SPATA17: variants seen among roughly 807,000 people sequenced by gnomAD.
SPATA17 encodes the protein spermatogenesis associated 17.
Under a neutral mutation model 62.2 loss-of-function variants are expected in SPATA17, and 53 were observed. The observed-to-expected ratio is 0.85, with a 90% confidence interval of 0.68 to 1.07. The LOEUF (loss-of-function observed/expected upper bound fraction) is 1.07, where lower values mean the gene tolerates loss of function less well. Among genes scored for constraint, SPATA17 ranks in the 50% least tolerant of loss-of-function variants. The probability of loss-of-function intolerance (pLI) is 0.00; values close to 1 mark genes in which losing one functional copy is unlikely to be tolerated. For synonymous variants in SPATA17, 146 were observed against 146.8 expected, an observed-to-expected ratio of 0.99 and a Z score of 0.04; for missense variants, 466 against 425.5, an observed-to-expected ratio of 1.10 and a Z score of -0.84.
At chr1:217,732,720 A>G (rs1055327645) in intron 5 of SPATA17, among the ~76,000 whole-genome samples, 2 of 152,204 alleles carry the variant, frequency 1.3e-5, no homozygotes, top group African/African-American at 4.8e-5. Context: ...TGTTAATAAT[A>G]TCTGCCCCCT....
chr1:217,847,040 T>C (rs1675545612), intron 9 of SPATA17, among the ~76,000 whole-genome samples: 1 of 152,010 alleles, frequency 6.6e-6, no homozygotes, highest in Non-Finnish European at 1.5e-5. Context: ...CACAGTTGAA[T>C]TTCACTTTAT....
At chr1:217,720,975 A>T (rs796351569) in intron 5 of SPATA17, among the ~76,000 whole-genome samples, 2 of 152,320 alleles carry the variant, frequency 1.3e-5, no homozygotes, top group African/African-American at 4.8e-5. Context: ...AACTAGAAAG[A>T]CATATATATC....
intron 5 of SPATA17, among the ~76,000 whole-genome samples, chr1:217,705,858 G>C (rs1391333315): frequency 6.6e-6 from 1 of 152,116 alleles, no homozygotes; most frequent in Non-Finnish European, 1.5e-5. Flanking sequence ...TATAGTTTTA[G>C]GTTTTACATT....
At chr1:217,674,735 C>A (rs1184083637) in intron 4 of SPATA17, among the ~76,000 whole-genome samples, 1 of 152,196 alleles carries the variant, frequency 6.6e-6, no homozygotes, top group African/African-American at 2.4e-5. Context: ...ACAGCTGGTT[C>A]GGTCCCTTGC....
intron 1 of SPATA17, among the ~76,000 whole-genome samples, chr1:217,646,150 C>G (rs1443329814): frequency 6.6e-6 from 1 of 152,080 alleles, no homozygotes; most frequent in Non-Finnish European, 1.5e-5. Flanking sequence ...AACTATTAAT[C>G]TCCTCATTTC....
intron 10 of SPATA17, among the ~76,000 whole-genome samples, chr1:217,863,964 G>A (rs990884725): frequency 1.6e-4 from 25 of 152,122 alleles, no homozygotes; most frequent in Non-Finnish European, 3.2e-4. Context: ...AAGTTCCTTC[G>A]ATTTTATGTT....
At chr1:217,633,446 CCAAA>C (rs1013900938) in intron 1 of SPATA17, among the ~76,000 whole-genome samples, 4 of 151,532 alleles carry the variant, frequency 2.6e-5, no homozygotes, top group South Asian at 4.2e-4. Context: ...TGATGAAGTG[CCAAA>C]CAAACAATTA....
chr1:217,733,000 A>G (rs1037957361), intron 5 of SPATA17, among the ~76,000 whole-genome samples: 2 of 152,168 alleles, frequency 1.3e-5, no homozygotes, highest in African/African-American at 2.4e-5. Flanking sequence ...AGTTGATTCA[A>G]AAATGCCAGA....
intron 5 of SPATA17, among the ~76,000 whole-genome samples, chr1:217,690,938 C>T (rs1189507916): frequency 3.4e-5 from 5 of 146,112 alleles, no homozygotes; most frequent in Admixed American, 6.7e-5. Flanking sequence ...TGAATAATGC[C>T]GCAATAAACG....
intron 8 of SPATA17, among the ~76,000 whole-genome samples, chr1:217,784,260 G>A (rs11117934): frequency 0.24 from 36,968 of 151,778 alleles, 4,883 homozygotes; most frequent in East Asian, 0.52. Flanking sequence ...TTAATGCAGA[G>A]GGTCCTTTTA....
In SPATA17 at chr1:217,756,486, G is replaced by A. The variant is rs764655956; in HGVS notation, c.519+14388G>A. 9.2e-5 allele frequency among the ~76,000 whole-genome samples: 14 copies of A among 152,222 alleles called. No individual in the cohort carries two copies. The South Asian group carries it at 1.5e-3, about 16-fold the overall frequency. On this transcript the variant is annotated intron_variant, in intron 6 of 10. Transcript: ENST00000366933. Reference sequence around the variant, plus strand: ...GGCTGTCTTCAAAACCACGCTTCCCGTTTATGGATGGTTTCAAGGGAGCTG... The same window carrying A: ...GGCTGTCTTCAAAACCACGCTTCCCATTTATGGATGGTTTCAAGGGAGCTG...
chr1:217,747,644 A>G (rs1243617246), intron 6 of SPATA17, among the ~76,000 whole-genome samples: 1 of 152,206 alleles, frequency 6.6e-6, no homozygotes, highest in Admixed American at 6.5e-5. Context: ...CATATAACTC[A>G]GTATAACTAT....
intron 9 of SPATA17, among the ~76,000 whole-genome samples, chr1:217,819,208 T>C (rs1281040639): frequency 6.6e-6 from 1 of 151,888 alleles, no homozygotes; most frequent in Non-Finnish European, 1.5e-5. Context: ...GACTTTTTAA[T>C]GAGGTTCTAT....
intron 1 of SPATA17, among the ~76,000 whole-genome samples, chr1:217,631,789 A>G (rs190135699): frequency 3.7e-4 from 57 of 152,294 alleles, no homozygotes; most frequent in Admixed American, 2.6e-4. Context: ...CACTAGCCCA[A>G]TGAACTCAGA....
chr1:217,807,396 T>C (rs1171056008), intron 9 of SPATA17, among the ~76,000 whole-genome samples: 2 of 152,044 alleles, frequency 1.3e-5, no homozygotes, highest in African/African-American at 2.4e-5. Context: ...CCTGTATATG[T>C]ACACCCTGAA....
At chr1:217,683,508 G>A (rs566802186) in intron 5 of SPATA17, 147 bp downstream of exon 5, 7 of 550,584 alleles carry the variant, frequency 1.3e-5, no homozygotes, top group African/African-American at 6.0e-5. Flanking sequence ...GCGCAATCTC[G>A]GCTCACTGCA....
At chr1:217,794,601 A>T (rs1311778121) in intron 8 of SPATA17, among the ~76,000 whole-genome samples, 1 of 152,218 alleles carries the variant, frequency 6.6e-6, no homozygotes, top group African/African-American at 2.4e-5. Flanking sequence ...CAATTAAATT[A>T]TTTAAAACTC....
At chr1:217,813,374 G>C (rs186879147) in intron 9 of SPATA17, among the ~76,000 whole-genome samples, 1 of 152,338 alleles carries the variant, frequency 6.6e-6, no homozygotes, top group East Asian at 1.9e-4. Context: ...CTGTACAGCA[G>C]AGAAACATGC....
chr1:217,781,572 T>A (rs1558048418), intron 7 of SPATA17, among the ~76,000 whole-genome samples: 1 of 152,178 alleles, frequency 6.6e-6, no homozygotes, highest in Non-Finnish European at 1.5e-5. Context: ...ATTTGTGTCA[T>A]CAAAAGGTTG....
Sources: allele counts gnomAD v4.1 joint callset (sites outside exome capture counted in the v4.1 genomes callset), GRCh38; gene constraint gnomAD v4.1.1; transcripts MANE v1.5; gene names NCBI Gene and HGNC (gene_info 2026-07-23, HGNC 2026-07-21).